Variants in PAK3 observed in about 807,000 individuals in gnomAD.
PAK3 encodes the protein serine/threonine-protein kinase PAK 3.
PAK3 carries 4 observed loss-of-function variants against 41.0 expected under a neutral mutation model. The ratio of observed to expected loss-of-function variants is 0.10; its 90% confidence interval spans 0.05 to 0.22. PAK3 has a LOEUF of 0.22. Among genes scored for constraint, PAK3 ranks in the 10% least tolerant of loss-of-function variants. The pLI is 1.00. For missense variants in PAK3, 205 were observed against 409.9 expected (o/e 0.50, Z 4.32); for synonymous variants, 146 against 139.6 (o/e 1.05, Z -0.32).
rs187846365 is a variant in PAK3 at position 111,138,947 on chromosome X, G to A, written c.176-3149G>A. ...CACGCCACTGTACTCCAGCCTGGGT[G>A]ACAGAGCGAGACTCCACCAAACAAA... is the stretch of plus-strand genomic sequence containing the variant. On this transcript the variant is annotated intron_variant, in intron 5 of 17. Transcript: ENST00000372007. Among the ~76,000 whole-genome samples, 25 of 110,366 alleles carry A rather than the reference G, an allele frequency of 2.3e-4. 1 individual carries two copies. The highest frequency in any genetic ancestry group is 7.6e-4 in the African/African-American group (23 of 30,324).
intron 2 of PAK3, 58 bp from the exon 3 acceptor site, chrX:111,097,517 G>A (rs765737425): frequency 4.6e-5 from 5 of 109,814 alleles, no homozygotes; most frequent in South Asian, 4.0e-4. Flanking sequence ...TTTAAAAAAC[G>A]GCTTTCAGCA....
chrX:111,082,413 T>C (rs1204693276), intron 1 of PAK3, among the ~76,000 whole-genome samples: 2 of 111,817 alleles, frequency 1.8e-5, no homozygotes, highest in Non-Finnish European at 3.8e-5. Flanking sequence ...CCTAACACTT[T>C]ATAAAGGTTC....
chrX:111,070,122 A>T (rs183883049), intron 1 of PAK3, among the ~76,000 whole-genome samples: 1 of 110,674 alleles, frequency 9.0e-6, no homozygotes, highest in East Asian at 2.8e-4. Flanking sequence ...CAAAACAAAC[A>T]AACAAACAAA....
intron 1 of PAK3, among the ~76,000 whole-genome samples, chrX:111,049,989 T>C (rs1263178612): frequency 1.8e-5 from 2 of 111,554 alleles, no homozygotes; most frequent in Admixed American, 1.9e-4. Flanking sequence ...ATAATCAGCA[T>C]AGCCATGAGA....
At chrX:111,118,792 T>C (rs1042565882) in intron 4 of PAK3, among the ~76,000 whole-genome samples, 12 of 112,119 alleles carry the variant, frequency 1.1e-4, no homozygotes, top group Non-Finnish European at 2.3e-4. Flanking sequence ...TAAATAGTTA[T>C]GTCTATTTTG....
chrX:110,995,151 C>T (rs1318807631), intron 1 of PAK3, among the ~76,000 whole-genome samples: 3 of 111,095 alleles, frequency 2.7e-5, no homozygotes, highest in Non-Finnish European at 3.8e-5. Context: ...CCTCCTACCC[C>T]TCTCCCCTAG....
At chrX:111,195,736 C>T (rs2094607673) in intron 14 of PAK3, 106 bp from the exon 15 acceptor site, 2 of 538,871 alleles carry the variant, frequency 3.7e-6, no homozygotes, top group African/African-American at 2.3e-5. Context: ...ATCGATTTCA[C>T]TTGACAATAT....
intron 4 of PAK3, among the ~76,000 whole-genome samples, chrX:111,110,532 C>T (rs772468494): frequency 9.0e-6 from 1 of 111,722 alleles, no homozygotes; most frequent in East Asian, 2.8e-4. Context: ...GTATCTTGTG[C>T]AATGCCCAGA....
chrX:110,991,792 G>A (rs1200897393), intron 1 of PAK3, among the ~76,000 whole-genome samples: 1 of 111,092 alleles, frequency 9.0e-6, no homozygotes, highest in African/African-American at 3.3e-5. Flanking sequence ...GAGATGGCAT[G>A]GATTTGGGAT....
intron 1 of PAK3, among the ~76,000 whole-genome samples, chrX:111,007,642 A>G (rs1234606960): frequency 8.9e-6 from 1 of 111,745 alleles, no homozygotes; most frequent in African/African-American, 3.3e-5. Context: ...AATGTCTCTC[A>G]CTTGGAGGAC....
intron 1 of PAK3, among the ~76,000 whole-genome samples, chrX:111,007,218 C>T (rs958834558): frequency 7.1e-4 from 79 of 111,069 alleles, no homozygotes; most frequent in Admixed American, 2.7e-3. Context: ...ATCTTGACCC[C>T]TTGACCATGG....
rs775129205 is a variant in PAK3, at chrX:111,192,639, T to C, written c.992+21T>C. 5 of 723,534 alleles carry C rather than the reference T, an allele frequency of 6.9e-6. No individual in the cohort carries two copies. In the Admixed American group the frequency reaches 1.1e-4, roughly 16 times the overall value. The allele number at this position is 723,534 out of a possible 1,213,427, so 59.6% of individuals were successfully genotyped here. A position where few individuals can be genotyped will look rare whatever the true frequency, so the allele number is the denominator to read the frequency against. On this transcript the variant is annotated intron_variant, in intron 13 of 17. Coordinates refer to ENST00000372007, the MANE Select transcript of PAK3 (RefSeq NM_002578.5). ...GATAGGTAAGTGTTTTGTCTTATTA[T>C]GTACTTATATTCTTTGTGGGATGTC... is the stretch of plus-strand genomic sequence containing the variant.
chrX:111,000,292 T>C (rs1255359313), intron 1 of PAK3, among the ~76,000 whole-genome samples: 2 of 112,133 alleles, frequency 1.8e-5, no homozygotes, highest in African/African-American at 3.2e-5. Context: ...CAACTGGGGA[T>C]ATAGCAGTGA....
chrX:111,026,307 C>A (rs2092268759), intron 1 of PAK3, among the ~76,000 whole-genome samples: 1 of 111,284 alleles, frequency 9.0e-6, no homozygotes, highest in Non-Finnish European at 1.9e-5. Flanking sequence ...CTAGCCAGAG[C>A]AATCAGACAA....
intron 3 of PAK3, among the ~76,000 whole-genome samples, chrX:111,101,427 G>A (rs1413927771): frequency 8.9e-6 from 1 of 111,995 alleles, no homozygotes; most frequent in African/African-American, 3.3e-5. Context: ...AAAAAGTGGT[G>A]CTACAATTGA....
intron 3 of PAK3, among the ~76,000 whole-genome samples, chrX:111,100,466 A>G (rs751669473): frequency 1.8e-5 from 2 of 111,472 alleles, no homozygotes; most frequent in Non-Finnish European, 3.8e-5. Flanking sequence ...CTCCTTGTGG[A>G]GAAGGCTCCC....
intron 11 of PAK3, among the ~76,000 whole-genome samples, chrX:111,190,260 G>A (rs192154371): frequency 2.7e-5 from 3 of 111,389 alleles, no homozygotes; most frequent in African/African-American, 9.8e-5. Context: ...AAGAACCTTA[G>A]AAATAAAGTA....
intron 1 of PAK3, among the ~76,000 whole-genome samples, chrX:111,032,407 A>G (rs1453841176): frequency 8.9e-6 from 1 of 111,880 alleles, no homozygotes; most frequent in Admixed American, 9.5e-5. Context: ...TTAGGGCACC[A>G]GACCTCTGGG....
chrX:111,009,152 C>G (rs1307751438), intron 1 of PAK3, among the ~76,000 whole-genome samples: 1 of 111,523 alleles, frequency 9.0e-6, no homozygotes, highest in African/African-American at 3.3e-5. Context: ...CCCCTTTAAG[C>G]TGGCTGTATC....
Sources: allele counts gnomAD v4.1 joint callset (sites outside exome capture counted in the v4.1 genomes callset), GRCh38; gene constraint gnomAD v4.1.1; transcripts MANE v1.5; gene names NCBI Gene and HGNC (gene_info 2026-07-23, HGNC 2026-07-21).